SCFD2: variants seen among roughly 807,000 people sequenced by gnomAD.
SCFD2 encodes the protein sec1 family domain containing 2.
Under a neutral mutation model 58.9 loss-of-function variants are expected in SCFD2, and 54 were observed. That is an observed-to-expected ratio of 0.92 (90% CI 0.74 to 1.15). SCFD2 has a LOEUF of 1.15. Among genes scored for constraint, SCFD2 ranks in the 50% most tolerant of loss-of-function variants. The pLI is 0.00. For synonymous variants in SCFD2, 321 were observed against 335.9 expected (o/e 0.96, Z 0.49); for missense variants, 805 against 836.6 (o/e 0.96, Z 0.47).
At chr4:53,343,790 T>C (rs1733965955) in intron 2 of SCFD2, among the ~76,000 whole-genome samples, 1 of 152,230 alleles carries the variant, frequency 6.6e-6, no homozygotes, top group Admixed American at 6.5e-5. Context: ...GATGCAAGGC[T>C]GGTTCAACAT....
intron 4 of SCFD2, among the ~76,000 whole-genome samples, chr4:53,174,377 C>A (rs1727265965): frequency 6.6e-6 from 1 of 151,966 alleles, no homozygotes; most frequent in South Asian, 2.1e-4. Context: ...CAGAATTAGA[C>A]ATTATTAACA....
intron 5 of SCFD2, among the ~76,000 whole-genome samples, chr4:53,112,103 G>A (rs1244511948): frequency 6.6e-6 from 1 of 152,140 alleles, no homozygotes; most frequent in Non-Finnish European, 1.5e-5. Flanking sequence ...TATGTCAATA[G>A]ATGGAATGGA....
intron 4 of SCFD2, among the ~76,000 whole-genome samples, chr4:53,263,841 C>T (rs1207668433): frequency 5.3e-5 from 8 of 152,190 alleles, no homozygotes; most frequent in African/African-American, 1.4e-4. Flanking sequence ...AGGCAGTAGA[C>T]AGGGCCATAG....
chr4:52,959,455 TAA>T, intron 5 of SCFD2, among the ~76,000 whole-genome samples: 1 of 152,136 alleles, frequency 6.6e-6, no homozygotes, highest in Non-Finnish European at 1.5e-5. Flanking sequence ...TTAAGCATAT[TAA>T]AGTCTGAGAA....
At chr4:53,339,824 G>A (rs890923959) in intron 2 of SCFD2, among the ~76,000 whole-genome samples, 1 of 151,840 alleles carries the variant, frequency 6.6e-6, no homozygotes, top group African/African-American at 2.4e-5. Context: ...CTAAAAAGAA[G>A]TTCAAGTAAC....
intron 5 of SCFD2, chr4:52,956,236 A>T (rs1196526245): frequency 2.2e-6 from 1 of 456,550 alleles, no homozygotes; most frequent in Non-Finnish European, 4.4e-6. Context: ...CCTCCCCATC[A>T]TACTTAGAAG....
chr4:53,035,873 T>C (rs937199988), intron 5 of SCFD2, among the ~76,000 whole-genome samples: 2 of 152,108 alleles, frequency 1.3e-5, no homozygotes, highest in African/African-American at 4.8e-5. Flanking sequence ...TTTACACTGT[T>C]GCTGGGAGTG....
chr4:53,315,243 T>C (rs959787870), intron 2 of SCFD2, among the ~76,000 whole-genome samples: 1 of 82,304 alleles, frequency 1.2e-5, no homozygotes, highest in Middle Eastern at 5.1e-3. Context: ...GGAAGGAAAA[T>C]GGCAAAAAAA....
intron 4 of SCFD2, among the ~76,000 whole-genome samples, chr4:53,214,441 G>T (rs987336960): frequency 1.3e-5 from 2 of 151,974 alleles, no homozygotes; most frequent in African/African-American, 2.4e-5. Flanking sequence ...TTTTTTGTCT[G>T]CATAAATGTC....
intron 3 of SCFD2, among the ~76,000 whole-genome samples, chr4:53,296,251 T>G (rs1242882532): frequency 3.3e-5 from 5 of 152,204 alleles, no homozygotes; most frequent in African/African-American, 1.2e-4. Flanking sequence ...AATTTGGCTA[T>G]GAATCTCTCT....
intron 2 of SCFD2, 139 bp downstream of exon 2, chr4:53,352,459 T>G (rs865902405): frequency 1.7e-6 from 1 of 578,010 alleles, no homozygotes; most frequent in Middle Eastern, 4.9e-4. Flanking sequence ...AAAAAATGCT[T>G]TTTGCTAAAT....
chr4:53,249,230 A>G (rs1183414179), intron 4 of SCFD2, among the ~76,000 whole-genome samples: 2 of 152,228 alleles, frequency 1.3e-5, no homozygotes, highest in African/African-American at 2.4e-5. Context: ...AATGAATAAA[A>G]TGAAGTGAGA....
intron 4 of SCFD2, among the ~76,000 whole-genome samples, chr4:53,243,001 A>T (rs1479670766): frequency 6.6e-6 from 1 of 152,230 alleles, no homozygotes; most frequent in Non-Finnish European, 1.5e-5. Flanking sequence ...GACTAAATCT[A>T]TGACTCATTA....
intron 5 of SCFD2, among the ~76,000 whole-genome samples, chr4:52,974,464 G>C (rs539328404): frequency 6.6e-6 from 1 of 152,132 alleles, no homozygotes; most frequent in Non-Finnish European, 1.5e-5. Flanking sequence ...ACTTACAAGG[G>C]ACATGAAGGA....
intron 4 of SCFD2, among the ~76,000 whole-genome samples, chr4:53,215,843 T>G (rs910656193): frequency 2.0e-5 from 3 of 151,940 alleles, no homozygotes; most frequent in African/African-American, 7.3e-5. Flanking sequence ...TTATTGAGAG[T>G]TTTTAGCATG....
intron 3 of SCFD2, among the ~76,000 whole-genome samples, chr4:53,306,280 A>G (rs548663668): frequency 6.6e-6 from 1 of 152,344 alleles, no homozygotes; most frequent in South Asian, 2.1e-4. Flanking sequence ...GCAAGGCACA[A>G]CAGGAGATAC....
Position 52,915,991 on chromosome 4 carries a change from T to C in SCFD2, c.1707+4734A>G, listed in dbSNP as rs758460701. ...CTCCTCAGGCACTGCTGGTTCAAAA[T>C]GCTCTTGTTCAACATGCCAGAGGCA... On this transcript the variant is annotated intron_variant, in intron 6 of 8. Transcript: ENST00000401642. 3.3e-4 allele frequency among the ~76,000 whole-genome samples: 50 copies of C among 152,234 alleles called. 1 individual carries two copies. The highest frequency in any genetic ancestry group is 7.3e-5 in the Non-Finnish European group (5 of 68,038).
intron 5 of SCFD2, among the ~76,000 whole-genome samples, chr4:52,958,365 G>T (rs1720758843): frequency 6.6e-6 from 1 of 152,156 alleles, no homozygotes; most frequent in Admixed American, 6.5e-5. Flanking sequence ...GAATTAACTG[G>T]GCTCTTATCC....
At chr4:53,332,752 A>G (rs1000976763) in intron 2 of SCFD2, among the ~76,000 whole-genome samples, 25 of 151,860 alleles carry the variant, frequency 1.6e-4, no homozygotes, top group African/African-American at 5.1e-4. Context: ...GGCCAGGGCA[A>G]TTAGGCAGGA....
Sources: allele counts gnomAD v4.1 joint callset (sites outside exome capture counted in the v4.1 genomes callset), GRCh38; gene constraint gnomAD v4.1.1; transcripts MANE v1.5; gene names NCBI Gene and HGNC (gene_info 2026-07-23, HGNC 2026-07-21).